The following ATXN2 variants were observed in gnomAD, a reference collection of about 807,000 sequenced individuals.
The protein encoded by ATXN2 is ataxin-2.
A neutral mutation model predicts 138.6 loss-of-function variants in ATXN2; 37 were observed. The observed-to-expected ratio is 0.27, with a 90% CI of 0.21 to 0.35. ATXN2 has a LOEUF of 0.35. Ranked by LOEUF, ATXN2 falls within the 10% of genes least tolerant of loss-of-function variation. ATXN2 has a pLI of 1.00. For synonymous variants in ATXN2, 549 were observed against 543.7 expected (o/e 1.01, Z -0.13); for missense variants, 1,216 against 1,480.3 (o/e 0.82, Z 2.93).
chr12:111,569,851 A>G (rs1203195324), intron 1 of ATXN2, among the ~76,000 whole-genome samples: 2 of 152,094 alleles, frequency 1.3e-5, no homozygotes, highest in Non-Finnish European at 2.9e-5. Context: ...ACCTAGACAC[A>G]CCAAAAAATC....
At chr12:111,466,740 CAATT>C in intron 20 of ATXN2, among the ~76,000 whole-genome samples, 1 of 152,212 alleles carries the variant, frequency 6.6e-6, no homozygotes, top group South Asian at 2.1e-4. Context: ...ATGGCTATAA[CAATT>C]AATGAATGAG....
intron 1 of ATXN2, among the ~76,000 whole-genome samples, chr12:111,581,065 G>T (rs1181074814): frequency 6.6e-6 from 1 of 151,182 alleles, no homozygotes; most frequent in African/African-American, 2.4e-5. Flanking sequence ...GAACCCAGGA[G>T]GTGGAGGTTG....
chr12:111,464,324 GGTGTGTGTGTTTGTGT>G (rs1455042830), intron 21 of ATXN2, among the ~76,000 whole-genome samples: 2,220 of 126,194 alleles, frequency 0.018, 72 homozygotes, highest in African/African-American at 0.07. Context: ...TTGTGGCTTG[GGTGTGTGTGTTTGTGT>G]GTGTGTGTGT....
At chr12:111,459,112 T>C (rs1875364074) in intron 21 of ATXN2, among the ~76,000 whole-genome samples, 1 of 152,226 alleles carries the variant, frequency 6.6e-6, no homozygotes, top group Admixed American at 6.5e-5. Context: ...CTGTAGGAAT[T>C]AACATATGCC....
intron 5 of ATXN2, among the ~76,000 whole-genome samples, chr12:111,543,930 T>G (rs997890082): frequency 2.6e-5 from 4 of 152,016 alleles, no homozygotes; most frequent in African/African-American, 9.7e-5. Flanking sequence ...TTTTAAAAAT[T>G]AGCCGGGCAT....
At chr12:111,477,072 G>A (rs994590001) in intron 18 of ATXN2, among the ~76,000 whole-genome samples, 1 of 151,816 alleles carries the variant, frequency 6.6e-6, no homozygotes, top group Admixed American at 6.6e-5. Flanking sequence ...GCTGGGCGCA[G>A]TGGCTCATGC....
chr12:111,491,510 G>A (rs904300013), intron 14 of ATXN2, among the ~76,000 whole-genome samples: 2 of 152,140 alleles, frequency 1.3e-5, no homozygotes, highest in Non-Finnish European at 2.9e-5. Flanking sequence ...TCTGGGAGGA[G>A]AGGGAAGAGT....
At chr12:111,456,347 G>A in intron 22 of ATXN2, 91 bp from the exon 23 acceptor site, 1 of 1,373,602 alleles carries the variant, frequency 7.3e-7, no homozygotes, top group Admixed American at 1.7e-5. Flanking sequence ...GCACACTTGG[G>A]CCTATGATGA....
chr12:111,589,135 T>C (rs935264214), intron 1 of ATXN2, among the ~76,000 whole-genome samples: 3 of 140,108 alleles, frequency 2.1e-5, no homozygotes, highest in Non-Finnish European at 3.0e-5. Context: ...GCCAACATGA[T>C]GAAACCCCAT....
At chr12:111,465,407 G>A (rs756005827) in intron 20 of ATXN2, among the ~76,000 whole-genome samples, 9 of 151,720 alleles carry the variant, frequency 5.9e-5, no homozygotes, top group East Asian at 1.9e-4. Context: ...CTAGTTAGTC[G>A]GAAAAGTTGT....
chr12:111,518,508 G>T (rs1879979198), intron 8 of ATXN2, 81 bp from the exon 9 acceptor site: 1 of 1,384,850 alleles, frequency 7.2e-7, no homozygotes, highest in South Asian at 1.6e-5. Context: ...CATCTAGACA[G>T]AAGGGAATGC....
chr12:111,569,765 A>G (rs1883210124), intron 1 of ATXN2, among the ~76,000 whole-genome samples: 1 of 152,082 alleles, frequency 6.6e-6, no homozygotes, highest in Non-Finnish European at 1.5e-5. Context: ...TTACCCCTTC[A>G]GTGCCTTTAC....
In ATXN2 at chr12:111,453,511, G is replaced by A; in HGVS notation, c.3439+166C>T. ...CAGACTCGGCTCCCGGAAGCCTCAG[G>A]CCCTGATGCTGAACTGATCGTCACA... On this transcript the variant is annotated intron_variant, in intron 24 of 24. Transcript: ENST00000673436. The surrounding 1 kb of genome is among the most constrained non-coding windows in gnomAD (Gnocchi z 5.4). The A allele has an allele frequency of 7.4e-7, 1 of 1,347,944 alleles. No homozygotes were observed. Among genetic ancestry groups the A allele is most frequent in the South Asian group, 1.9e-5 (1 of 51,316 alleles). 83.5% of individuals were successfully genotyped at this position (1,347,944 alleles called of 1,614,324 possible). A position where few individuals can be genotyped will look rare whatever the true frequency, so the allele number is the denominator to read the frequency against.
At chr12:111,462,667 G>T (rs957294666) in intron 21 of ATXN2, among the ~76,000 whole-genome samples, 3 of 152,122 alleles carry the variant, frequency 2.0e-5, no homozygotes, top group African/African-American at 7.2e-5. Flanking sequence ...CCTTTTAGGG[G>T]AAGTTGTGCT....
At chr12:111,482,770 C>T (rs894941701) in intron 18 of ATXN2, 1 of 150,752 alleles carries the variant, frequency 6.6e-6, no homozygotes, top group African/African-American at 2.4e-5. Context: ...TAAGATTAAA[C>T]TCTATAATTT....
intron 1 of ATXN2, among the ~76,000 whole-genome samples, chr12:111,585,555 G>C (rs1439943793): frequency 6.7e-6 from 1 of 149,310 alleles, no homozygotes; most frequent in African/African-American, 2.4e-5. Flanking sequence ...CTGTGGTCCC[G>C]GCACTTTGGG....
At chr12:111,539,393 A>G (rs1187380686) in intron 5 of ATXN2, among the ~76,000 whole-genome samples, 3 of 150,180 alleles carry the variant, frequency 2.0e-5, no homozygotes, top group African/African-American at 7.3e-5. Context: ...AAATCAGTCC[A>G]ATCATCGTTT....
intron 3 of ATXN2, among the ~76,000 whole-genome samples, chr12:111,553,604 A>AAATTTTTTTTTTTT (rs1882237738): frequency 3.5e-5 from 3 of 85,004 alleles, no homozygotes; most frequent in African/African-American, 7.6e-5. Flanking sequence ...AAAAAAAAAA[A>AAATTTTTTTTTTTT]TTTTTTTTTT....
intron 5 of ATXN2, among the ~76,000 whole-genome samples, chr12:111,531,852 C>G (rs1194243814): frequency 6.6e-6 from 1 of 152,054 alleles, no homozygotes; most frequent in African/African-American, 2.4e-5. Context: ...TTTAGGGAAG[C>G]CTATGAAACC....
Sources: gnomAD v4.1 joint callset for allele counts (sites outside exome capture counted in the v4.1 genomes callset) on GRCh38, gnomAD v4.1.1 for gene constraint, Gnocchi (gnomAD v3.1) non-coding constraint, MANE v1.5 for transcripts, NCBI Gene and HGNC (gene_info 2026-07-23, HGNC 2026-07-21) for gene names.